Variants in TMEM132D observed in about 807,000 individuals in gnomAD.
TMEM132D encodes transmembrane protein 132D.
In TMEM132D, 21 loss-of-function variants were observed where a neutral mutation model predicts 62.3. The ratio of observed to expected loss-of-function variants is 0.34; its 90% confidence interval spans 0.24 to 0.49. The LOEUF is 0.49. Ranked by LOEUF, TMEM132D falls within the 20% of genes least tolerant of loss-of-function variation. The pLI, the probability that TMEM132D is intolerant of heterozygous loss-of-function variation, is 0.99. For synonymous variants in TMEM132D, 621 were observed against 575.6 expected (o/e 1.08, Z -1.13); for missense variants, 1,346 against 1,402.8 (o/e 0.96, Z 0.65).
At chr12:129,431,371 C>T (rs1195057846) in intron 3 of TMEM132D, among the ~76,000 whole-genome samples, 1 of 152,204 alleles carries the variant, frequency 6.6e-6, no homozygotes, top group African/African-American at 2.4e-5. Flanking sequence ...CTGTTTATCT[C>T]TCACAGGGGA....
At chr12:129,847,686 G>A (rs947755684) in intron 1 of TMEM132D, among the ~76,000 whole-genome samples, 2 of 152,044 alleles carry the variant, frequency 1.3e-5, no homozygotes, top group Non-Finnish European at 2.9e-5. Flanking sequence ...TGACCGCTTT[G>A]ACCTCCCTGC....
At chr12:129,198,179 A>G (rs549015606) in intron 5 of TMEM132D, among the ~76,000 whole-genome samples, 1 of 152,366 alleles carries the variant, frequency 6.6e-6, no homozygotes, top group South Asian at 2.1e-4. Context: ...AAAAGATAGC[A>G]AGTGTAGGCA....
At position 129,740,347 on chromosome 12, in the gene TMEM132D, A is replaced by G. The variant is rs193051712; in HGVS notation, c.80-39649T>C. The stretch of plus-strand genomic sequence containing the variant: ...TAAGAAACCTGTCTAAAATTCATTC[A>G]ACAAACATTCATGCTTTTAGTAGTT... On this transcript the variant is annotated intron_variant, in intron 1 of 8. Transcript: ENST00000422113. Among the ~76,000 whole-genome samples the G allele has an allele frequency of 9.8e-5, 15 of 152,346 alleles. No individual in the cohort carries two copies. In the East Asian group the frequency reaches 2.5e-3, roughly 25 times the overall value.
At chr12:129,841,769 C>G (rs367931339) in intron 1 of TMEM132D, among the ~76,000 whole-genome samples, 8 of 152,076 alleles carry the variant, frequency 5.3e-5, no homozygotes, top group Middle Eastern at 3.4e-3. Context: ...CCCCAAAATA[C>G]CAAAGCAATC....
chr12:129,628,694 T>A (rs1024206140), intron 2 of TMEM132D, among the ~76,000 whole-genome samples: 3 of 152,050 alleles, frequency 2.0e-5, no homozygotes, highest in Non-Finnish European at 2.9e-5. Flanking sequence ...ACATGGTAAA[T>A]GTTACTAAGG....
At chr12:129,108,393 T>C (rs1394624303) in intron 5 of TMEM132D, among the ~76,000 whole-genome samples, 4 of 152,170 alleles carry the variant, frequency 2.6e-5, no homozygotes, top group Admixed American at 1.3e-4. Context: ...CTGACCTGGT[T>C]TCTTGGTTGC....
At chr12:129,094,610 G>A (rs1875037842) in intron 5 of TMEM132D, among the ~76,000 whole-genome samples, 1 of 152,208 alleles carries the variant, frequency 6.6e-6, no homozygotes, top group African/African-American at 2.4e-5. Context: ...CAACCATTGT[G>A]GAAGTCAGTG....
At chr12:129,194,945 A>G (rs1300751790) in intron 5 of TMEM132D, among the ~76,000 whole-genome samples, 1 of 152,222 alleles carries the variant, frequency 6.6e-6, no homozygotes, top group East Asian at 1.9e-4. Context: ...CTTTCTTTCA[A>G]CAAATATTGA....
At chr12:129,223,695 C>T (rs1240533459) in intron 4 of TMEM132D, among the ~76,000 whole-genome samples, 2 of 152,198 alleles carry the variant, frequency 1.3e-5, no homozygotes, top group African/African-American at 4.8e-5. Context: ...TGCTAAAGCT[C>T]CTCTTTGGTT....
At chr12:129,861,711 A>G (rs61942115) in intron 1 of TMEM132D, among the ~76,000 whole-genome samples, 22,162 of 148,302 alleles carry the variant, frequency 0.15, 2,175 homozygotes, top group Non-Finnish European at 0.22. Flanking sequence ...CCAAGATTGC[A>G]CCACTGCACT....
chr12:129,441,838 A>T (rs1356242393), intron 3 of TMEM132D, among the ~76,000 whole-genome samples: 1 of 152,206 alleles, frequency 6.6e-6, no homozygotes, highest in African/African-American at 2.4e-5. Context: ...CCTTTGCAGC[A>T]ACATGGATGC....
chr12:129,665,269 C>G (rs909082626), intron 2 of TMEM132D, among the ~76,000 whole-genome samples: 11 of 152,032 alleles, frequency 7.2e-5, no homozygotes, highest in Non-Finnish European at 1.6e-4. Context: ...GGAAAGCTGG[C>G]CCAAACCTCA....
chr12:129,778,766 T>C (rs10773707), intron 1 of TMEM132D, among the ~76,000 whole-genome samples: 114,777 of 152,040 alleles, frequency 0.75, 44,756 homozygotes, highest in Middle Eastern at 0.9. Context: ...ATCCTAATAC[T>C]GTGGTGCTTA....
At position 129,530,255 on chromosome 12, in the gene TMEM132D, G is replaced by C. The variant is rs887299982; in HGVS notation, c.1115+804C>G. Among the ~76,000 whole-genome samples, 4 of 152,218 alleles carry C rather than the reference G, an allele frequency of 2.6e-5. No individual in the cohort carries two copies. The East Asian group carries it at 5.8e-4, about 22-fold the overall frequency. On this transcript the variant is annotated intron_variant, in intron 3 of 8. Transcript: ENST00000422113. ...AAAATAAGGATATTTTCCAAACACT[G>C]AGCTAGGAAGTTTAAAAATGCACTC...
At chr12:129,122,245 G>C (rs147993775) in intron 5 of TMEM132D, among the ~76,000 whole-genome samples, 1 of 152,298 alleles carries the variant, frequency 6.6e-6, no homozygotes, top group East Asian at 1.9e-4. Flanking sequence ...AATGTGTACT[G>C]CTCATCTCTG....
At position 129,161,677 on chromosome 12, in the gene TMEM132D, C is replaced by G. The variant is rs576471261; in HGVS notation, c.1443+47843G>C. ...GAGTCATTGAAATTGTTACCCAACTCGTGCCAGCCTCTCCCCTGGCAAGGT... is the reference window on the plus strand; with the variant it reads ...GAGTCATTGAAATTGTTACCCAACTGGTGCCAGCCTCTCCCCTGGCAAGGT... On this transcript the variant is annotated intron_variant, in intron 5 of 8. Coordinates refer to ENST00000422113, the MANE Select transcript of TMEM132D (RefSeq NM_133448.3). Among the ~76,000 whole-genome samples the G allele has an allele frequency of 6.8e-4, 103 of 152,304 alleles. 1 individual carries two copies. Among genetic ancestry groups the G allele is most frequent in the Admixed American group, 2.9e-3 (45 of 15,304 alleles).
intron 1 of TMEM132D, among the ~76,000 whole-genome samples, chr12:129,874,250 T>C (rs989906673): frequency 6.6e-6 from 1 of 152,084 alleles, no homozygotes; most frequent in Non-Finnish European, 1.5e-5. Flanking sequence ...TAGCAAAACA[T>C]GATGACGTAC....
rs140913010 is a variant in TMEM132D at position 129,699,930 on chromosome 12, T to C, written c.848A>G (p.Glu283Gly). 1 of 1,614,114 alleles carries C rather than the reference T, an allele frequency of 6.2e-7. No individual in the cohort carries two copies. The highest frequency in any genetic ancestry group is 8.5e-7 in the Non-Finnish European group (1 of 1,180,034). ...YQTHRKPSLR[E>G]LRLDNSVAIH... is the part of the protein sequence containing the mutation. ...GGCCACGCTGTTGTCCAGACGCAGT[T>C]CTCTCAGGGAGGGTTTCCTGTGTGT... Residue 283 changes from glutamate to glycine, a missense_variant, in exon 2 of 9, where the codon GAA becomes GGA. Physicochemically the swap from Glu to Gly is moderately conservative, Grantham distance 98. Transcript: ENST00000422113.
chr12:129,393,099 C>T (rs1159068427), intron 3 of TMEM132D, among the ~76,000 whole-genome samples: 1 of 152,194 alleles, frequency 6.6e-6, no homozygotes, highest in African/African-American at 2.4e-5. Context: ...TCAAACAAGG[C>T]ATGTAATTAA....
Sources: gnomAD v4.1 joint callset for allele counts (sites outside exome capture counted in the v4.1 genomes callset) on GRCh38, gnomAD v4.1.1 for gene constraint, MANE v1.5 for transcripts, NCBI Gene and HGNC (gene_info 2026-07-23, HGNC 2026-07-21) for gene names.